Variants in PRUNE2 observed in about 807,000 individuals in gnomAD.
PRUNE2 encodes the protein prune homolog 2 with BCH domain, also known as protein prune homolog 2.
A neutral mutation model predicts 252.0 loss-of-function variants in PRUNE2; 164 were observed. That is an observed-to-expected ratio of 0.65 (90% CI 0.57 to 0.74). The LOEUF (loss-of-function observed/expected upper bound fraction) is 0.74. Ranked by LOEUF, PRUNE2 falls within the 30% of genes least tolerant of loss-of-function variation. PRUNE2 has a pLI of 0.00. For synonymous variants in PRUNE2, 1,292 were observed against 1,350.2 expected, an observed-to-expected ratio of 0.96 and a Z score of 0.94; for missense variants, 3,495 against 3,711.0, an observed-to-expected ratio of 0.94 and a Z score of 1.51.
intron 9 of PRUNE2, among the ~76,000 whole-genome samples, chr9:76,668,187 G>A (rs888138836): frequency 1.3e-5 from 2 of 152,114 alleles, no homozygotes; most frequent in African/African-American, 4.8e-5. Flanking sequence ...AGAATATATA[G>A]TGCAGAATAC....
rs1828351152 is a variant in PRUNE2, at chr9:76,614,197, A to C, written c.*373T>G. 8.7e-6 allele frequency: 2 copies of C among 230,652 alleles called. No homozygotes were observed. Among genetic ancestry groups the C allele is most frequent in the African/African-American group, 4.7e-5 (2 of 42,752 alleles). 14.3% of individuals were successfully genotyped at this position (230,652 alleles called of 1,614,324 possible). Reference sequence around the variant, plus strand: ...AACCTAATGCAATCACCAAAAGGAAATCCAGCTAATCTATGGAAACAAATC... The same window carrying C: ...AACCTAATGCAATCACCAAAAGGAACTCCAGCTAATCTATGGAAACAAATC... On this transcript the variant is annotated 3_prime_UTR_variant, in exon 19 of 19. Coordinates refer to ENST00000376718, the MANE Select transcript of PRUNE2 (RefSeq NM_015225.3).
chr9:76,860,234 A>G (rs1321465533), intron 1 of PRUNE2, among the ~76,000 whole-genome samples: 2 of 152,202 alleles, frequency 1.3e-5, no homozygotes, highest in Admixed American at 1.3e-4. Flanking sequence ...TATCTGTAGG[A>G]GTAGTTGGGG....
rs184076053 is a variant in PRUNE2, at chr9:76,794,726, C to T, written c.756+28906G>A. Among the ~76,000 whole-genome samples the T allele has an allele frequency of 8.5e-4, 129 of 152,094 alleles. 1 individual carries two copies. Among genetic ancestry groups the T allele is most frequent in the African/African-American group, 2.8e-3 (116 of 41,498 alleles). On this transcript the variant is annotated intron_variant, in intron 6 of 18. Transcript: ENST00000376718. ...GTTTCTTCACCATTTAGTAGCTGTC[C>T]GACCTCGAGCAAAGTTACATACCTT... is the stretch of plus-strand genomic sequence containing the variant.
intron 1 of PRUNE2, among the ~76,000 whole-genome samples, chr9:76,854,521 G>A (rs2060135608): frequency 2.0e-5 from 3 of 152,016 alleles, no homozygotes. Context: ...TTGTTCTAAG[G>A]GGCATAGTAT....
chr9:76,837,853 G>C (rs929101857), intron 4 of PRUNE2, among the ~76,000 whole-genome samples: 2 of 150,174 alleles, frequency 1.3e-5, no homozygotes, highest in Admixed American at 6.7e-5. Flanking sequence ...CTCACTGCAA[G>C]CTCTGCCTCC....
At chr9:76,656,499 AC>A (rs1181883440) in intron 9 of PRUNE2, among the ~76,000 whole-genome samples, 1 of 152,046 alleles carries the variant, frequency 6.6e-6, no homozygotes, top group African/African-American at 2.4e-5. Context: ...GATCTACCAA[AC>A]CTTTGGAGTT....
At chr9:76,787,796 C>T (rs959582116) in intron 6 of PRUNE2, among the ~76,000 whole-genome samples, 2 of 152,154 alleles carry the variant, frequency 1.3e-5, no homozygotes, top group African/African-American at 2.4e-5. Context: ...CTCTCCAATC[C>T]CGCCTCCCAC....
chr9:76,823,886 T>A (rs1318505448), intron 5 of PRUNE2, among the ~76,000 whole-genome samples, 160 bp from the exon 6 acceptor site: 1 of 151,856 alleles, frequency 6.6e-6, no homozygotes, highest in Non-Finnish European at 1.5e-5. Context: ...ACTAAGGCAA[T>A]AATCACATCA....
chr9:76,865,877 C>T (rs540419375), intron 1 of PRUNE2, among the ~76,000 whole-genome samples: 1 of 151,138 alleles, frequency 6.6e-6, no homozygotes, highest in South Asian at 2.1e-4. Context: ...GCATTATGCC[C>T]ACTTCATGAT....
intron 6 of PRUNE2, chr9:76,785,941 T>C (rs2054929876): frequency 6.6e-6 from 1 of 152,198 alleles, no homozygotes; most frequent in Admixed American, 6.5e-5. Flanking sequence ...CAAAAGCAGC[T>C]GGAAATGGAC....
At chr9:76,650,126 T>C (rs1162089971) in intron 11 of PRUNE2, among the ~76,000 whole-genome samples, 1 of 152,122 alleles carries the variant, frequency 6.6e-6, no homozygotes, top group Admixed American at 6.6e-5. Flanking sequence ...CAATGAGCTG[T>C]GTGACCTTAG....
At chr9:76,751,008 T>C (rs1244553563) in intron 6 of PRUNE2, among the ~76,000 whole-genome samples, 1 of 152,198 alleles carries the variant, frequency 6.6e-6, no homozygotes, top group Non-Finnish European at 1.5e-5. Context: ...AAAGAAATGA[T>C]TAATGTTCAA....
At chr9:76,740,507 G>A (rs1252029742) in intron 6 of PRUNE2, 7 of 149,674 alleles carry the variant, frequency 4.7e-5, no homozygotes, top group African/African-American at 2.5e-5. Flanking sequence ...GCCCCAACAC[G>A]AGTCAATTCA....
chr9:76,692,419 C>T lies in PRUNE2; in HGVS notation c.8276+10918G>A, dbSNP rs193108644. On this transcript the variant is annotated intron_variant, in intron 9 of 18. Coordinates refer to ENST00000376718, the MANE Select transcript of PRUNE2 (RefSeq NM_015225.3). Reference sequence around the variant, plus strand: ...CCGAGTGAGACTGGATGTGAATGGGCTCAAAGCACAAGTTGTAAGGAATTT... The same window carrying T: ...CCGAGTGAGACTGGATGTGAATGGGTTCAAAGCACAAGTTGTAAGGAATTT... 1.0e-4 allele frequency: 45 copies of T among 435,486 alleles called. No individual in the cohort carries two copies. In the Admixed American group the frequency reaches 1.7e-3, roughly 16 times the overall value. The allele number at this position is 435,486 out of a possible 1,614,324, so 27.0% of individuals were successfully genotyped here. A position where few individuals can be genotyped will look rare whatever the true frequency, so the allele number is the denominator to read the frequency against.
At chr9:76,830,255 T>C (rs2058593142) in intron 4 of PRUNE2, among the ~76,000 whole-genome samples, 1 of 152,200 alleles carries the variant, frequency 6.6e-6, no homozygotes. Flanking sequence ...TAGGCAGTAG[T>C]TCCCCTTGGA....
rs372836978 is a variant in PRUNE2, at chr9:76,851,954, A to G, written c.142-1289T>C. Among the ~76,000 whole-genome samples, 9 of 152,330 alleles carry G rather than the reference A, an allele frequency of 5.9e-5. No homozygotes were observed. The East Asian group carries it at 1.5e-3, about 26-fold the overall frequency. ...ATGAGAGAATGTGGGGTTCAGTGAC[A>G]TGGAATTTGTGCATAACATAAATGG... On this transcript the variant is annotated intron_variant, in intron 2 of 18. Transcript: ENST00000376718.
Position 76,842,267 on chromosome 9 carries a change from TG to T in PRUNE2, c.508+4247del, listed in dbSNP as rs1477487459. ...GGATTCCCTATTTAATAAATGGTGT[TG>T]GGAAAACTGGCTAGCCATATGCAGA... On this transcript the variant is annotated intron_variant, in intron 4 of 18. Coordinates refer to ENST00000376718, the MANE Select transcript of PRUNE2 (RefSeq NM_015225.3). Among the ~76,000 whole-genome samples the T allele has an allele frequency of 2.6e-4, 40 of 152,150 alleles. 1 individual carries two copies. Among genetic ancestry groups the T allele is most frequent in the Admixed American group, 2.6e-3 (40 of 15,280 alleles).
intron 1 of PRUNE2, among the ~76,000 whole-genome samples, chr9:76,876,617 C>T (rs893332450): frequency 6.6e-6 from 1 of 151,944 alleles, no homozygotes; most frequent in Non-Finnish European, 1.5e-5. Context: ...GGAATGAGGC[C>T]CAACACTGTC....
chr9:76,748,076 G>A (rs558989879), intron 6 of PRUNE2, among the ~76,000 whole-genome samples: 7 of 152,024 alleles, frequency 4.6e-5, no homozygotes, highest in Non-Finnish European at 5.9e-5. Flanking sequence ...GATTACAGGC[G>A]TGAGCCAACG....
Sources: allele counts gnomAD v4.1 joint callset (sites outside exome capture counted in the v4.1 genomes callset), GRCh38; gene constraint gnomAD v4.1.1; transcripts MANE v1.5; gene names NCBI Gene and HGNC (gene_info 2026-07-23, HGNC 2026-07-21).